Variants in DHX34 observed in about 807,000 individuals in gnomAD.
DHX34 encodes the protein probable ATP-dependent RNA helicase DHX34.
In DHX34, 96 loss-of-function variants were observed where a neutral mutation model predicts 111.1. That is an observed-to-expected ratio of 0.86 (90% CI 0.73 to 1.02). The LOEUF (loss-of-function observed/expected upper bound fraction) is 1.02. Ranked by LOEUF, DHX34 falls within the 50% of genes least tolerant of loss-of-function variation. The pLI is 0.00. For missense variants in DHX34, 1,560 were observed against 1,579.9 expected (o/e 0.99, Z 0.21); for synonymous variants, 688 against 670.4 (o/e 1.03, Z -0.41).
chr19:47,374,677 A>G (rs1396510850), intron 9 of DHX34, among the ~76,000 whole-genome samples: 1 of 151,944 alleles, frequency 6.6e-6, no homozygotes, highest in African/African-American at 2.4e-5. Context: ...CTCCGGTACC[A>G]TTTCTGGGGT....
chr19:47,376,342 T>G, intron 11 of DHX34, 101 bp from the exon 12 acceptor site: 2 of 1,541,202 alleles, frequency 1.3e-6, no homozygotes, highest in Non-Finnish European at 1.7e-6. Flanking sequence ...CAGGGAGGGC[T>G]TCCTGGAGGA....
At position 47,375,709 on chromosome 19, in the gene DHX34, G is replaced by A; in HGVS notation, c.2307+1G>A. ...GGCCAGTGATGGCGTGGACATCCAG[G>A]TGGGCGCCATGGGCTGTGGGGTGTG... On this transcript the variant is annotated splice_donor_variant, in intron 10 of 16. Transcript: ENST00000328771. LOFTEE classifies it high-confidence loss of function. The A allele has an allele frequency of 1.3e-6, 2 of 1,562,188 alleles. No homozygotes were observed. Among genetic ancestry groups the A allele is most frequent in the Non-Finnish European group, 1.7e-6 (2 of 1,158,478 alleles).
Position 47,375,286 on chromosome 19 carries a change from C to G in DHX34, c.2065-180C>G, listed in dbSNP as rs1005776522. The G allele has an allele frequency of 1.7e-5, 17 of 985,356 alleles. No individual in the cohort carries two copies. The Admixed American group carries it at 1.0e-3, about 61-fold the overall frequency. The allele number at this position is 985,356 out of a possible 1,614,324, so 61.0% of individuals were successfully genotyped here. A position where few individuals can be genotyped will look rare whatever the true frequency, so the allele number is the denominator to read the frequency against. ...GCCCCTGGCCCCGGTGTTCCCTCCA[C>G]TGACCAGCGAGGACAGCTCTCTCTC... On this transcript the variant is annotated intron_variant, in intron 9 of 16. Coordinates refer to ENST00000328771, the MANE Select transcript of DHX34 (RefSeq NM_014681.6).
intron 3 of DHX34, among the ~76,000 whole-genome samples, chr19:47,356,647 AAAAG>A (rs891265697): frequency 1.1e-4 from 17 of 151,268 alleles, no homozygotes; most frequent in Non-Finnish European, 2.1e-4. Flanking sequence ...AAAAAGAAAG[AAAAG>A]AAAGAGAGAG....
intron 13 of DHX34, 93 bp downstream of exon 13, chr19:47,377,299 CCACCTGG>C (rs1970199546): frequency 7.5e-7 from 1 of 1,324,600 alleles, no homozygotes; most frequent in Non-Finnish European, 1.0e-6. Flanking sequence ...CTTGGAGGGG[CCACCTGG>C]CACCTGGGCT....
rs1194632658 is a variant in DHX34, at chr19:47,353,356, C to T, written c.326C>T (p.Ser109Phe). The T allele has an allele frequency of 8.1e-6, 13 of 1,614,212 alleles. No homozygotes were observed. The highest frequency in any genetic ancestry group is 1.1e-5 in the South Asian group (1 of 91,090). The part of the protein sequence containing the change: ...TYDPRYRINL[S>F]VLGPATRGSQ... The stretch of plus-strand genomic sequence containing the variant: ...GACCCACGTTACCGCATCAACCTCT[C>T]TGTTCTTGGCCCTGCCACGCGGGGC... Residue 109 changes from serine (S) to phenylalanine (F), a missense_variant, in exon 2 of 17, where the codon TCT becomes TTT. Ser to Phe is a radical substitution (Grantham distance 155). Transcript: ENST00000328771. The surrounding 1 kb of genome is among the most constrained non-coding windows in gnomAD (Gnocchi z 4.6).
At chr19:47,367,310 G>A (rs1449223393) in intron 7 of DHX34, among the ~76,000 whole-genome samples, 155 bp downstream of exon 7, 4 of 152,200 alleles carry the variant, frequency 2.6e-5, no homozygotes, top group Non-Finnish European at 5.9e-5. Context: ...TAGGTGCTGG[G>A]CATATAGCAG....
intron 4 of DHX34, among the ~76,000 whole-genome samples, chr19:47,358,495 C>A (rs1420831873): frequency 6.7e-6 from 1 of 150,022 alleles, no homozygotes; most frequent in African/African-American, 2.5e-5. Flanking sequence ...GCTCTGTTGT[C>A]CAGGCTGGAG....
Position 47,376,074 on chromosome 19 carries a change from A to G in DHX34, c.2458A>G (p.Ser820Gly), listed in dbSNP as rs765492736. 6.4e-7 allele frequency: 1 copy of G among 1,569,784 alleles called. No individual in the cohort carries two copies. Among genetic ancestry groups the G allele is most frequent in the Non-Finnish European group, 8.6e-7 (1 of 1,160,388 alleles). ...PQLAVPDAFN[S>G]SRKDSDQIFH... is the part of the protein sequence containing the mutation. The stretch of plus-strand genomic sequence containing the variant: ...GCTGGCCGTCCCCGACGCCTTCAAC[A>G]GCAGCCGAAAGGACTCAGACCAGGT... Residue 820 changes from serine (S) to glycine (G), a missense_variant, in exon 11 of 17, where the codon AGC becomes GGC. Coordinates refer to ENST00000328771, the MANE Select transcript of DHX34 (RefSeq NM_014681.6).
chr19:47,381,156 G>T lies in DHX34; in HGVS notation c.3160-30G>T, dbSNP rs745593597. On this transcript the variant is annotated intron_variant, in intron 15 of 16. Transcript: ENST00000328771. ...TGGGTGGTGGGTGGCACTTGGCGGG[G>T]GCCCAGCCCTGACAGCTGGCCTGCC... 5.0e-6 allele frequency: 8 copies of T among 1,609,620 alleles called. No individual in the cohort carries two copies. The South Asian group carries it at 8.8e-5, about 18-fold the overall frequency.
Position 47,380,955 on chromosome 19 carries a change from A to G in DHX34, c.3122A>G (p.Tyr1041Cys), listed in dbSNP as rs371720232. ...TLSPHPTKGG[Y>C]AVTDFLTYNC... ...TCCCCCCACCCCACAAAGGGGGGCTACGCAGTCACTGACTTCCTCACCTAC... is the reference window on the plus strand; with the variant it reads ...TCCCCCCACCCCACAAAGGGGGGCTGCGCAGTCACTGACTTCCTCACCTAC... The change falls in exon 15 of 17, where the codon TAC (tyrosine) becomes TGC (cysteine). Residue 1041 changes from tyrosine to cysteine, a missense_variant. Physicochemically the swap from Tyr to Cys is radical, Grantham distance 194. Transcript: ENST00000328771. 9 of 1,598,776 alleles carry G rather than the reference A, an allele frequency of 5.6e-6. No individual in the cohort carries two copies. Among genetic ancestry groups the G allele is most frequent in the African/African-American group, 4.0e-5 (3 of 74,166 alleles).
In DHX34 at chr19:47,371,531, CAG is replaced by C. The variant is rs1283582186; in HGVS notation, c.1769-1198_1769-1197del. 1.4e-4 allele frequency among the ~76,000 whole-genome samples: 21 copies of C among 152,298 alleles called. No individual in the cohort carries two copies. The South Asian group carries it at 4.1e-3, about 30-fold the overall frequency. On this transcript the variant is annotated intron_variant, in intron 7 of 16. Coordinates refer to ENST00000328771, the MANE Select transcript of DHX34 (RefSeq NM_014681.6). ...AGAGCTGGGGTGTCCTGGAATAGGA[CAG>C]GGGCCTGCACAGTACAGCCCCAAGC...
intron 14 of DHX34, 80 bp downstream of exon 14, chr19:47,380,065 G>A: frequency 1.3e-6 from 2 of 1,484,508 alleles, no homozygotes; most frequent in Non-Finnish European, 9.0e-7. Context: ...GGGAAGGCCT[G>A]GCTTCCCATT....
rs1361347400 is a variant in DHX34 at position 47,364,929 on chromosome 19, ACCT to A, written c.1594-2042_1594-2040del. Among the ~76,000 whole-genome samples the A allele has an allele frequency of 2.6e-5, 4 of 151,798 alleles. No homozygotes were observed. In the East Asian group the frequency reaches 5.8e-4, roughly 22 times the overall value. ...GCTGGCTCCAGGCACAGTGGGCGTC[ACCT>A]CCTCCTCCTTTACCATCCGGAGGCA... On this transcript the variant is annotated intron_variant, in intron 6 of 16. Transcript: ENST00000328771.
At chr19:47,381,385 G>A in intron 16 of DHX34, 61 bp downstream of exon 16, 1 of 1,571,708 alleles carries the variant, frequency 6.4e-7, no homozygotes, top group Admixed American at 1.8e-5. Flanking sequence ...ATCCCATGAT[G>A]GTCTCCTGTG....
intron 9 of DHX34, chr19:47,375,217 C>T: frequency 2.2e-6 from 2 of 928,752 alleles, no homozygotes; most frequent in Non-Finnish European, 2.6e-6. Context: ...AGCCTGGAGC[C>T]AGCTGTGGGA....
chr19:47,368,842 T>A (rs1969883804), intron 7 of DHX34, among the ~76,000 whole-genome samples: 1 of 151,964 alleles, frequency 6.6e-6, no homozygotes, highest in African/African-American at 2.4e-5. Context: ...GCCTCCTGAG[T>A]AGCTGAGACT....
At chr19:47,368,647 C>G (rs922861394) in intron 7 of DHX34, among the ~76,000 whole-genome samples, 1 of 139,238 alleles carries the variant, frequency 7.2e-6, no homozygotes, top group Non-Finnish European at 1.6e-5. Flanking sequence ...TATACACACA[C>G]ACACACACAC....
chr19:47,360,831 C>T (rs1350770929), intron 5 of DHX34, among the ~76,000 whole-genome samples: 1 of 151,988 alleles, frequency 6.6e-6, no homozygotes, highest in Non-Finnish European at 1.5e-5. Flanking sequence ...ATCACCACGC[C>T]CGGCTAATTT....
Sources: gnomAD v4.1 joint callset for allele counts (sites outside exome capture counted in the v4.1 genomes callset) on GRCh38, gnomAD v4.1.1 for gene constraint, Gnocchi (gnomAD v3.1) non-coding constraint, MANE v1.5 for transcripts, NCBI Gene and HGNC (gene_info 2026-07-23, HGNC 2026-07-21) for gene names.